PHF20L1: variants seen among roughly 807,000 people sequenced by gnomAD.
The protein encoded by PHF20L1 is PHD finger protein 20-like protein 1.
Under a neutral mutation model 125.5 loss-of-function variants are expected in PHF20L1, and 44 were observed. That is an observed-to-expected ratio of 0.35 (90% CI 0.28 to 0.45). PHF20L1 has a LOEUF of 0.45. Among genes scored for constraint, PHF20L1 ranks in the 20% least tolerant of loss-of-function variants. The probability of loss-of-function intolerance (pLI) is 1.00; values close to 1 mark genes in which losing one functional copy is unlikely to be tolerated. For missense variants in PHF20L1, 1,012 were observed against 1,217.2 expected, an observed-to-expected ratio of 0.83 and a Z score of 2.51; for synonymous variants, 380 against 403.1, an observed-to-expected ratio of 0.94 and a Z score of 0.69.
At chr8:132,812,565 G>T in intron 9 of PHF20L1, 2 of 984,546 alleles carry the variant, frequency 2.0e-6, no homozygotes, top group Non-Finnish European at 2.4e-6. Flanking sequence ...AATCATTAAT[G>T]AAAACCTTGT....
At position 132,775,599 on chromosome 8, in the gene PHF20L1, C is replaced by T. The variant is rs1284198751; in HGVS notation, c.-84C>T. On this transcript the variant is annotated 5_prime_UTR_variant, in exon 1 of 21. Coordinates refer to ENST00000395386, the MANE Select transcript of PHF20L1 (RefSeq NM_016018.5). The stretch of plus-strand genomic sequence containing the variant: ...GCTGGCCGCCCTGCTCGTGCCCCAG[C>T]TCGGCCCCGGACGGCCCGGCTGCTG... 1.7e-5 allele frequency: 6 copies of T among 347,576 alleles called. No homozygotes were observed. Among genetic ancestry groups the T allele is most frequent in the Admixed American group, 4.8e-5 (1 of 21,028 alleles). 21.5% of individuals were successfully genotyped at this position (347,576 alleles called of 1,614,324 possible).
intron 15 of PHF20L1, among the ~76,000 whole-genome samples, chr8:132,835,934 C>A (rs2131877843): frequency 6.6e-6 from 1 of 152,086 alleles, no homozygotes; most frequent in East Asian, 1.9e-4. Flanking sequence ...TAGGCAAGCT[C>A]CTTTACCTCT....
At position 132,846,805 on chromosome 8, in the gene PHF20L1, T is replaced by C. The variant is rs1394314835; in HGVS notation, c.*882T>C. 4 of 149,382 alleles carry C rather than the reference T, an allele frequency of 2.7e-5. No homozygotes were observed. In the South Asian group the frequency reaches 8.8e-4, roughly 33 times the overall value. The allele number at this position is 149,382 out of a possible 1,614,324, so 9.3% of individuals were successfully genotyped here. A position where few individuals can be genotyped will look rare whatever the true frequency, so the allele number is the denominator to read the frequency against. ...TCAGGCTCAACGTACAGTTTGATCC[T>C]GAGTATGCTTGGTGTTTGCCTTCAG... On this transcript the variant is annotated 3_prime_UTR_variant, in exon 21 of 21. Transcript: ENST00000395386.
At chr8:132,799,268 GTTC>G (rs1832764537) in intron 6 of PHF20L1, 96 bp downstream of exon 6, 10 of 656,520 alleles carry the variant, frequency 1.5e-5, no homozygotes, top group Admixed American at 2.9e-5. Flanking sequence ...TTTACATTGA[GTTC>G]TTATCTTCTT....
chr8:132,786,675 C>A (rs576353371), intron 2 of PHF20L1, among the ~76,000 whole-genome samples: 1 of 152,078 alleles, frequency 6.6e-6, no homozygotes, highest in Non-Finnish European at 1.5e-5. Context: ...TTCATTACCT[C>A]TTTTAACATG....
Position 132,814,817 on chromosome 8 carries a change from T to A in PHF20L1, c.1111T>A (p.Ser371Thr). 1.2e-6 allele frequency: 2 copies of A among 1,611,774 alleles called. No individual in the cohort carries two copies. The highest frequency in any genetic ancestry group is 1.7e-6 in the Non-Finnish European group (2 of 1,178,188). The stretch of plus-strand genomic sequence containing the variant: ...TATAAAACCCCCTAAATCACCACTT[T>A]CCCCAGAATTAATACAAGTCGAGGA... Reference protein sequence around the residue: ...GCIKPPKSPLSPELIQVEDLT... With the variant: ...GCIKPPKSPLTPELIQVEDLT... The change falls in exon 10 of 21, where the codon TCC becomes ACC. Residue 371 changes from serine to threonine, a missense_variant. Around this residue, in one of 7 missense-constraint regions of PHF20L1, gnomAD observed 119 missense variants for 160.2 expected, o/e 0.74. Coordinates refer to ENST00000395386, the MANE Select transcript of PHF20L1 (RefSeq NM_016018.5).
chr8:132,830,208 G>A (rs368729219), intron 14 of PHF20L1, among the ~76,000 whole-genome samples: 15 of 152,002 alleles, frequency 9.9e-5, no homozygotes, highest in Middle Eastern at 3.4e-3. Flanking sequence ...CATCTTCAAA[G>A]TCAGCAGTGG....
intron 12 of PHF20L1, among the ~76,000 whole-genome samples, chr8:132,821,953 G>A (rs918460943): frequency 2.0e-5 from 3 of 151,884 alleles, no homozygotes; most frequent in Admixed American, 1.3e-4. Flanking sequence ...GGACGAGATC[G>A]TGAACTTCTT....
intron 2 of PHF20L1, among the ~76,000 whole-genome samples, chr8:132,779,989 A>T (rs1442728127): frequency 2.0e-5 from 3 of 152,206 alleles, no homozygotes; most frequent in African/African-American, 7.2e-5. Flanking sequence ...ATTAGCCAGG[A>T]TAATCACATA....
Position 132,802,369 on chromosome 8 carries a change from C to T in PHF20L1, c.508-1450C>T, listed in dbSNP as rs146635462. ...CACTACCCCTTTCCCTAGCAAATTC[C>T]TGCTTATGTTTAGGGTTCAGCTCAT... On this transcript the variant is annotated intron_variant, in intron 6 of 20. Transcript: ENST00000395386. Among the ~76,000 whole-genome samples the T allele has an allele frequency of 4.9e-4, 74 of 151,664 alleles. No individual in the cohort carries two copies. The East Asian group carries it at 0.013, about 26-fold the overall frequency.
chr8:132,779,926 A>C (rs1345983362), intron 2 of PHF20L1, among the ~76,000 whole-genome samples: 2 of 152,192 alleles, frequency 1.3e-5, no homozygotes, highest in Non-Finnish European at 2.9e-5. Context: ...GATGAAGTTT[A>C]GATTTAATTT....
chr8:132,791,254 C>CTTTTTTTTTTTTT (rs1184118420), intron 2 of PHF20L1, among the ~76,000 whole-genome samples: 1 of 117,134 alleles, frequency 8.5e-6, no homozygotes, highest in Non-Finnish European at 1.7e-5. Context: ...GAGTTATTTC[C>CTTTTTTTTTTTTT]TTTTTTTTTT....
rs1284344514 is a variant in PHF20L1, at chr8:132,777,931, T to G, written c.83+20T>G. 7.2e-7 allele frequency: 1 copy of G among 1,390,294 alleles called. No individual in the cohort carries two copies. Among genetic ancestry groups the G allele is most frequent in the African/African-American group, 1.4e-5 (1 of 70,614 alleles). 86.1% of individuals were successfully genotyped at this position (1,390,294 alleles called of 1,614,324 possible). A position where few individuals can be genotyped will look rare whatever the true frequency, so the allele number is the denominator to read the frequency against. ...AAAATGGTATGGAAAATATAGAACT[T>G]TCACCTAAATATCACAATATCTGTA... On this transcript the variant is annotated intron_variant, in intron 2 of 20. Coordinates refer to ENST00000395386, the MANE Select transcript of PHF20L1 (RefSeq NM_016018.5).
intron 16 of PHF20L1, among the ~76,000 whole-genome samples, chr8:132,837,032 C>G (rs1303858436): frequency 6.6e-6 from 1 of 152,118 alleles, no homozygotes; most frequent in Non-Finnish European, 1.5e-5. Flanking sequence ...TTCTCTTCCT[C>G]ATCTGCATTC....
At chr8:132,820,567 G>A (rs572681257) in intron 12 of PHF20L1, among the ~76,000 whole-genome samples, 3 of 151,840 alleles carry the variant, frequency 2.0e-5, no homozygotes, top group Non-Finnish European at 4.4e-5. Flanking sequence ...GCCCCAAGAG[G>A]CCTCTGGTAG....
intron 8 of PHF20L1, chr8:132,806,552 G>A (rs905617136): frequency 3.9e-5 from 6 of 151,976 alleles, no homozygotes; most frequent in South Asian, 4.1e-4. Flanking sequence ...TTAAGTGTGT[G>A]ATAATCTTTT....
At chr8:132,784,042 T>G (rs1830727380) in intron 2 of PHF20L1, among the ~76,000 whole-genome samples, 1 of 152,154 alleles carries the variant, frequency 6.6e-6, no homozygotes, top group South Asian at 2.1e-4. Context: ...TTCTTTAACT[T>G]TTAAAATTTC....
In PHF20L1 at chr8:132,794,857, A is replaced by T. The variant is rs1166300405; in HGVS notation, c.340+40A>T. Reference sequence around the variant, plus strand: ...TGATCTGAGACTTAAAATTAGATTAATAGTAAAATTTCACTGTATTTTAAA... The same window carrying T: ...TGATCTGAGACTTAAAATTAGATTATTAGTAAAATTTCACTGTATTTTAAA... On this transcript the variant is annotated intron_variant, in intron 4 of 20. Transcript: ENST00000395386. The T allele has an allele frequency of 2.3e-6, 3 of 1,281,220 alleles. No homozygotes were observed. In the South Asian group the frequency reaches 3.8e-5, roughly 16 times the overall value. The allele number at this position is 1,281,220 out of a possible 1,614,324, so 79.4% of individuals were successfully genotyped here.
At chr8:132,836,751 GAGTT>G (rs1287152909) in intron 16 of PHF20L1, 30 bp downstream of exon 16, 3 of 1,531,216 alleles carry the variant, frequency 2.0e-6, no homozygotes, top group East Asian at 2.3e-5. Context: ...TCCCTATAAT[GAGTT>G]AGTTGTTTCA....
Sources: gnomAD v4.1 joint callset for allele counts (sites outside exome capture counted in the v4.1 genomes callset) on GRCh38, gnomAD v4.1.1 for gene constraint, gnomAD v4.1.1 regional missense constraint, MANE v1.5 for transcripts, NCBI Gene and HGNC (gene_info 2026-07-23, HGNC 2026-07-21) for gene names.